Variants in MUC12 observed in about 807,000 individuals in gnomAD.
The protein encoded by MUC12 is mucin-12.
A neutral mutation model predicts 230.8 loss-of-function variants in MUC12; 172 were observed. That is an observed-to-expected ratio of 0.75 (90% CI 0.66 to 0.85). The LOEUF is 0.85. Ranked by LOEUF, MUC12 falls within the 40% of genes least tolerant of loss-of-function variation. MUC12 has a pLI of 0.00. For missense variants in MUC12, 3,506 were observed against 5,920.6 expected (o/e 0.59, Z 13.38); for synonymous variants, 1,259 against 2,401.9 (o/e 0.52, Z 13.91).
chr7:101,014,848 A>T (rs1369611857), intron 9 of MUC12, among the ~76,000 whole-genome samples: 1 of 152,066 alleles, frequency 6.6e-6, no homozygotes, highest in Non-Finnish European at 1.5e-5. Context: ...GGGTCTCACT[A>T]TATTGCCCCG....
At position 101,015,620 on chromosome 7, in the gene MUC12, A is replaced by G. The variant is rs1793904211; in HGVS notation, c.15806A>G (p.Gln5269Arg). The change falls in exon 10 of 12, where the codon CAG becomes CGG. Residue 5269 changes from glutamine to arginine, a missense_variant. Coordinates refer to ENST00000536621, the MANE Select transcript of MUC12 (RefSeq NM_001164462.2). ...CAAGGCATTTCTGTCTGCAGGGAAC[A>G]GTATGATGTGCCTCAAGAGTGGCGA... ...SLSQRKRHRE[Q>R]YDVPQEWRKE... 6.5e-7 allele frequency: 1 copy of G among 1,537,698 alleles called. No homozygotes were observed. The highest frequency in any genetic ancestry group is 8.7e-7 in the Non-Finnish European group (1 of 1,146,980).
Position 101,018,715 on chromosome 7 carries a change from CG to C in MUC12, c.*82del, listed in dbSNP as rs749877202. On this transcript the variant is annotated 3_prime_UTR_variant, in exon 12 of 12. Coordinates refer to ENST00000536621, the MANE Select transcript of MUC12 (RefSeq NM_001164462.2). ...CAGAGCCCACCACAAGCCTCCGGGGCGGGTCAAGAGGAGACCGAAGTCAGGC... is the reference window on the plus strand; with the variant it reads ...CAGAGCCCACCACAAGCCTCCGGGGCGGTCAAGAGGAGACCGAAGTCAGGC... The C allele has an allele frequency of 1.5e-5, 22 of 1,440,534 alleles. No individual in the cohort carries two copies. The highest frequency in any genetic ancestry group is 1.9e-5 in the Non-Finnish European group (20 of 1,077,814). The allele number at this position is 1,440,534 out of a possible 1,614,324, so 89.2% of individuals were successfully genotyped here. A position where few individuals can be genotyped will look rare whatever the true frequency, so the allele number is the denominator to read the frequency against.
chr7:100,984,476 C>T (rs1793158640), intron 1 of MUC12, among the ~76,000 whole-genome samples: 1 of 152,104 alleles, frequency 6.6e-6, no homozygotes, highest in African/African-American at 2.4e-5. Context: ...AGGCTGGCCT[C>T]GAACTCCTGA....
At chr7:101,015,529 C>A in intron 9 of MUC12, 86 bp from the exon 10 acceptor site, 1 of 1,136,580 alleles carries the variant, frequency 8.8e-7, no homozygotes. Context: ...TGTGACTGTC[C>A]CCTCGAGGGA....
At chr7:100,975,428 A>G (rs974428131) in intron 1 of MUC12, among the ~76,000 whole-genome samples, 393 of 152,136 alleles carry the variant, frequency 2.6e-3, no homozygotes, top group African/African-American at 9.1e-3. Flanking sequence ...TTGCTTCACA[A>G]TAGACAAAGG....
chr7:100,977,903 T>G (rs1251100775), intron 1 of MUC12, among the ~76,000 whole-genome samples: 3 of 152,164 alleles, frequency 2.0e-5, no homozygotes, highest in African/African-American at 7.2e-5. Flanking sequence ...CTGGTGTTCC[T>G]TGGCTTGTGA....
At chr7:101,014,663 A>AG (rs1793889384) in intron 9 of MUC12, among the ~76,000 whole-genome samples, 1 of 152,036 alleles carries the variant, frequency 6.6e-6, no homozygotes, top group Non-Finnish European at 1.5e-5. Context: ...TTTTTAGTAG[A>AG]AACGGGGTTT....
chr7:101,014,579 G>A (rs1166588362), intron 9 of MUC12: 2 of 152,312 alleles, frequency 1.3e-5, no homozygotes, highest in Non-Finnish European at 2.9e-5. Flanking sequence ...CCAGGTTGAA[G>A]TGATTCTCAT....
chr7:100,976,659 T>C (rs1177037559), intron 1 of MUC12, among the ~76,000 whole-genome samples: 1 of 151,996 alleles, frequency 6.6e-6, no homozygotes, highest in African/African-American at 2.4e-5. Context: ...GACACTTTTA[T>C]AATATTATCT....
intron 9 of MUC12, 107 bp from the exon 10 acceptor site, chr7:101,015,508 C>T (rs566374792): frequency 2.1e-5 from 18 of 859,924 alleles, no homozygotes; most frequent in African/African-American, 5.1e-5. Context: ...ATCTCTGACT[C>T]GGGGTGTGGC....
intron 1 of MUC12, among the ~76,000 whole-genome samples, chr7:100,989,229 C>T (rs1048917979): frequency 3.3e-5 from 5 of 151,872 alleles, no homozygotes; most frequent in Admixed American, 1.3e-4. Context: ...CTGCCTCAGC[C>T]TCCCAAGTAG....
chr7:100,983,076 C>A (rs896343270), intron 1 of MUC12, among the ~76,000 whole-genome samples: 1 of 151,810 alleles, frequency 6.6e-6, no homozygotes, highest in African/African-American at 2.4e-5. Context: ...ATGTTATAAT[C>A]TGAGTGACCT....
intron 3 of MUC12, 44 bp downstream of exon 3, chr7:101,006,616 C>T (rs1420262288): frequency 3.0e-6 from 4 of 1,340,192 alleles, no homozygotes; most frequent in Non-Finnish European, 4.1e-6. Flanking sequence ...CAGGCCCTTT[C>T]ACCCCTGAAA....
intron 1 of MUC12, among the ~76,000 whole-genome samples, chr7:100,979,295 G>A (rs1234782145): frequency 6.6e-6 from 1 of 152,062 alleles, no homozygotes; most frequent in Non-Finnish European, 1.5e-5. Context: ...AATGACCAGT[G>A]GCTGCAATGT....
At chr7:100,977,515 G>A (rs886353733) in intron 1 of MUC12, among the ~76,000 whole-genome samples, 3 of 151,814 alleles carry the variant, frequency 2.0e-5, no homozygotes, top group South Asian at 2.1e-4. Flanking sequence ...ACAGGCACGC[G>A]CCACCACGCC....
chr7:100,976,184 G>A (rs1793028376), intron 1 of MUC12, among the ~76,000 whole-genome samples: 1 of 139,844 alleles, frequency 7.2e-6, no homozygotes, highest in Non-Finnish European at 1.6e-5. Context: ...AGGCTGAGGG[G>A]AGAGGATCTC....
At chr7:100,978,553 A>T (rs1793063931) in intron 1 of MUC12, among the ~76,000 whole-genome samples, 1 of 152,118 alleles carries the variant, frequency 6.6e-6, no homozygotes, top group East Asian at 1.9e-4. Flanking sequence ...GGTCTTGGAG[A>T]CATAGCAAGG....
In MUC12 at chr7:100,991,325, C is replaced by T. The variant is rs1387147278; in HGVS notation, c.762C>T (p.Ser254=). The T allele has an allele frequency of 2.6e-6, 4 of 1,537,682 alleles. No individual in the cohort carries two copies. The highest frequency in any genetic ancestry group is 3.5e-6 in the Non-Finnish European group (4 of 1,147,034). ...TTGAAGCATCTACGCCCGTCCACAG[C>T]AGCACTGGATCGCCACACACAACAC... ...GLLEASTPVH[S]STGSPHTTLS... The change falls in exon 2 of 12, where the codon AGC becomes AGT. Residue 254 remains serine (S), a synonymous_variant. Coordinates refer to ENST00000536621, the MANE Select transcript of MUC12 (RefSeq NM_001164462.2).
At chr7:101,006,352 G>T (rs1412038643) in intron 2 of MUC12, 119 bp from the exon 3 acceptor site, 22 of 687,916 alleles carry the variant, frequency 3.2e-5, no homozygotes, top group Non-Finnish European at 4.7e-5. Flanking sequence ...TTGCTGTGCG[G>T]TCATCTGGCA....
Sources: allele counts gnomAD v4.1 joint callset (sites outside exome capture counted in the v4.1 genomes callset), GRCh38; gene constraint gnomAD v4.1.1; transcripts MANE v1.5; gene names NCBI Gene and HGNC (gene_info 2026-07-23, HGNC 2026-07-21).